Variants in ITGBL1 observed in about 807,000 individuals in gnomAD.
The protein encoded by ITGBL1 is integrin beta-like protein 1.
Under a neutral mutation model 68.5 loss-of-function variants are expected in ITGBL1, and 51 were observed. The observed-to-expected ratio is 0.74, with a 90% CI of 0.59 to 0.94. The LOEUF is 0.94. Among genes scored for constraint, ITGBL1 ranks in the 40% least tolerant of loss-of-function variants. The pLI is 0.00. For synonymous variants in ITGBL1, 209 were observed against 227.3 expected (o/e 0.92, Z 0.72); for missense variants, 649 against 647.4 (o/e 1.00, Z -0.03).
intron 2 of ITGBL1, among the ~76,000 whole-genome samples, chr13:101,516,200 A>T (rs963930052): frequency 6.6e-6 from 1 of 152,134 alleles, no homozygotes; most frequent in African/African-American, 2.4e-5. Flanking sequence ...ATGTTTTGAT[A>T]TGTGTTTTTA....
intron 2 of ITGBL1, among the ~76,000 whole-genome samples, chr13:101,488,266 T>A (rs2139053883): frequency 6.6e-6 from 1 of 152,356 alleles, no homozygotes; most frequent in African/African-American, 2.4e-5. Flanking sequence ...TTCAGAGCAA[T>A]CTGTTCATCC....
chr13:101,691,196 A>G (rs1430771615), intron 7 of ITGBL1, among the ~76,000 whole-genome samples: 1 of 152,138 alleles, frequency 6.6e-6, no homozygotes, highest in African/African-American at 2.4e-5. Context: ...GGAAGAGGGA[A>G]TATCGTTGAA....
chr13:101,606,003 C>T (rs771539255), intron 7 of ITGBL1, among the ~76,000 whole-genome samples: 26 of 143,888 alleles, frequency 1.8e-4, no homozygotes, highest in Non-Finnish European at 3.3e-4. Flanking sequence ...TGTATATATA[C>T]ACATATATAT....
At chr13:101,707,209 A>C (rs2034281964) in intron 9 of ITGBL1, among the ~76,000 whole-genome samples, 1 of 152,164 alleles carries the variant, frequency 6.6e-6, no homozygotes, top group South Asian at 2.1e-4. Flanking sequence ...ATGGACCCAA[A>C]AATGGGGAAA....
intron 7 of ITGBL1, among the ~76,000 whole-genome samples, chr13:101,639,780 G>A (rs762715806): frequency 3.9e-5 from 6 of 152,114 alleles, no homozygotes; most frequent in African/African-American, 7.2e-5. Context: ...CCTCTAAAAT[G>A]CTTTAATGCA....
At chr13:101,554,839 A>G (rs1566729774) in intron 2 of ITGBL1, among the ~76,000 whole-genome samples, 1 of 152,178 alleles carries the variant, frequency 6.6e-6, no homozygotes, top group Non-Finnish European at 1.5e-5. Context: ...TTTCTGAATA[A>G]TAGTGTCCTT....
At chr13:101,689,827 C>T (rs1389963247) in intron 7 of ITGBL1, among the ~76,000 whole-genome samples, 2 of 152,104 alleles carry the variant, frequency 1.3e-5, no homozygotes, top group African/African-American at 2.4e-5. Flanking sequence ...GGTTATTCAT[C>T]CTCTCAAGAA....
chr13:101,467,409 C>T (rs559710165), intron 2 of ITGBL1, among the ~76,000 whole-genome samples: 3 of 152,230 alleles, frequency 2.0e-5, no homozygotes, highest in East Asian at 3.9e-4. Flanking sequence ...TTTACCAGGG[C>T]GTTTTTGGGA....
At chr13:101,563,863 T>C (rs58772187) in intron 2 of ITGBL1, among the ~76,000 whole-genome samples, 432 of 151,956 alleles carry the variant, frequency 2.8e-3, no homozygotes, top group African/African-American at 9.6e-3. Context: ...TGCATGCCAG[T>C]ATGATTTATA....
rs150659546 is a variant in ITGBL1 at position 101,471,532 on chromosome 13, ATGTGTGTGTGTGTGTGTGTG to A, written c.316+17450_316+17469del. Among the ~76,000 whole-genome samples the A allele has an allele frequency of 1.6e-4, 18 of 110,514 alleles. No individual in the cohort carries two copies. The East Asian group carries it at 1.6e-3, about 10-fold the overall frequency. 72.5% of individuals were successfully genotyped at this position (110,514 alleles called of 152,430 possible). A position where few individuals can be genotyped will look rare whatever the true frequency, so the allele number is the denominator to read the frequency against. ...TATATGTGTGTGTGTGTGTGTATGT[ATGTGTGTGTGTGTGTGTGTG>A]TGTGTGTGTGTGTGTGTATATATAT... On this transcript the variant is annotated intron_variant, in intron 2 of 10. Coordinates refer to ENST00000376180, the MANE Select transcript of ITGBL1 (RefSeq NM_004791.3).
intron 2 of ITGBL1, among the ~76,000 whole-genome samples, chr13:101,494,778 G>A (rs571394287): frequency 2.6e-5 from 4 of 152,258 alleles, no homozygotes; most frequent in Admixed American, 1.3e-4. Flanking sequence ...CACTGTATTC[G>A]CTTTCCTTTC....
At chr13:101,565,791 G>C (rs1037736289) in intron 2 of ITGBL1, among the ~76,000 whole-genome samples, 13 of 151,652 alleles carry the variant, frequency 8.6e-5, no homozygotes, top group African/African-American at 3.2e-4. Context: ...TGTGAAGAGA[G>C]TTTCATGAAA....
downstream of ITGBL1, chr13:101,717,588 T>TATCA (rs1383906764): frequency 6.6e-6 from 1 of 152,180 alleles, no homozygotes; most frequent in East Asian, 1.9e-4. Flanking sequence ...TGGATTTCTC[T>TATCA]ATCACGGCGC....
chr13:101,660,517 C>T (rs2033055391), intron 7 of ITGBL1, among the ~76,000 whole-genome samples: 1 of 152,156 alleles, frequency 6.6e-6, no homozygotes, highest in Admixed American at 6.5e-5. Flanking sequence ...AATCTTACGA[C>T]CTCTGGAATA....
chr13:101,568,964 C>T (rs2050225381), intron 3 of ITGBL1, among the ~76,000 whole-genome samples: 1 of 151,550 alleles, frequency 6.6e-6, no homozygotes, highest in Non-Finnish European at 1.5e-5. Context: ...TCTAGCACTT[C>T]AGTCTTTCTT....
intron 6 of ITGBL1, among the ~76,000 whole-genome samples, chr13:101,592,648 A>T (rs2139311003): frequency 6.6e-6 from 1 of 152,248 alleles, no homozygotes; most frequent in Non-Finnish European, 1.5e-5. Flanking sequence ...ACTGATTTTC[A>T]ACAAAAGTGC....
At chr13:101,633,267 G>A (rs1454676131) in intron 7 of ITGBL1, among the ~76,000 whole-genome samples, 2 of 152,114 alleles carry the variant, frequency 1.3e-5, no homozygotes, top group Non-Finnish European at 1.5e-5. Flanking sequence ...CAAATTGACC[G>A]TTTTCCTTTC....
chr13:101,593,621 G>A (rs1278475945), intron 6 of ITGBL1, among the ~76,000 whole-genome samples: 1 of 152,058 alleles, frequency 6.6e-6, no homozygotes, highest in Non-Finnish European at 1.5e-5. Flanking sequence ...GCAACAATAT[G>A]AATGGAACTG....
chr13:101,565,506 G>A (rs2050169843), intron 2 of ITGBL1, among the ~76,000 whole-genome samples: 1 of 152,074 alleles, frequency 6.6e-6, no homozygotes, highest in Admixed American at 6.6e-5. Context: ...GACATTAGCT[G>A]TCATCTTTGC....
Sources: allele counts gnomAD v4.1 joint callset (sites outside exome capture counted in the v4.1 genomes callset), GRCh38; gene constraint gnomAD v4.1.1; transcripts MANE v1.5; gene names NCBI Gene and HGNC (gene_info 2026-07-23, HGNC 2026-07-21).